LYN: variants seen among roughly 807,000 people sequenced by gnomAD.
LYN encodes tyrosine-protein kinase Lyn.
LYN carries 12 observed loss-of-function variants against 65.0 expected under a neutral mutation model. That is an observed-to-expected ratio of 0.18 (90% confidence interval 0.12 to 0.30). The LOEUF is 0.30. Among genes scored for constraint, LYN ranks in the 10% least tolerant of loss-of-function variants. LYN has a pLI of 1.00. For missense variants in LYN, 380 were observed against 623.2 expected, an observed-to-expected ratio of 0.61 and a Z score of 4.16; for synonymous variants, 222 against 221.2, an observed-to-expected ratio of 1.00 and a Z score of -0.03.
intron 1 of LYN, among the ~76,000 whole-genome samples, chr8:55,896,540 G>T (rs561177310): frequency 6.6e-6 from 1 of 152,128 alleles, no homozygotes; most frequent in East Asian, 1.9e-4. Context: ...GGCATTAGGA[G>T]AAATACCTAA....
At chr8:55,917,612 G>A (rs1805816170) in intron 1 of LYN, among the ~76,000 whole-genome samples, 1 of 152,220 alleles carries the variant, frequency 6.6e-6, no homozygotes. Flanking sequence ...AAGAAAAAGA[G>A]TTCCCTAAGT....
At chr8:55,996,351 G>A (rs760786385) in intron 10 of LYN, among the ~76,000 whole-genome samples, 5 of 152,272 alleles carry the variant, frequency 3.3e-5, no homozygotes, top group Middle Eastern at 3.4e-3. Context: ...TGGAACTGGC[G>A]GCCTGAAGTG....
At chr8:55,941,113 G>T (rs1473075) in intron 1 of LYN, among the ~76,000 whole-genome samples, 81 of 152,190 alleles carry the variant, frequency 5.3e-4, no homozygotes, top group Non-Finnish European at 1.0e-3. Flanking sequence ...CCTATGTTTA[G>T]CTGGAGCCAG....
Position 56,011,245 on chromosome 8 carries a change from T to A in LYN, c.*1135T>A, listed in dbSNP as rs1269379191. The stretch of plus-strand genomic sequence containing the variant: ...CCACGGTGGCAGGAGGTTCAAGCGG[T>A]TCTGTTCACTAAATTTTTCTCCTGT... On this transcript the variant is annotated 3_prime_UTR_variant, in exon 13 of 13. Coordinates refer to ENST00000519728, the MANE Select transcript of LYN (RefSeq NM_002350.4). The A allele has an allele frequency of 4.4e-6, 1 of 226,752 alleles. No individual in the cohort carries two copies. Among genetic ancestry groups the A allele is most frequent in the African/African-American group, 2.2e-5 (1 of 44,990 alleles). 14.0% of individuals were successfully genotyped at this position (226,752 alleles called of 1,614,324 possible).
intron 1 of LYN, among the ~76,000 whole-genome samples, chr8:55,883,012 A>T (rs1449012193): frequency 6.6e-6 from 1 of 152,238 alleles, no homozygotes; most frequent in East Asian, 1.9e-4. Context: ...TAACCTACTA[A>T]ACATTATAGA....
intron 10 of LYN, among the ~76,000 whole-genome samples, chr8:55,988,375 T>C (rs1232759520): frequency 6.6e-6 from 1 of 151,792 alleles, no homozygotes; most frequent in Non-Finnish European, 1.5e-5. Context: ...TCTTTTTAGG[T>C]CAGTTTGGGA....
chr8:55,899,608 G>A (rs1232359196), intron 1 of LYN, among the ~76,000 whole-genome samples: 2 of 152,228 alleles, frequency 1.3e-5, no homozygotes, highest in Non-Finnish European at 2.9e-5. Flanking sequence ...TATAACAAGT[G>A]TGTGAAGTTG....
chr8:55,897,970 GAAA>G (rs1805165637), intron 1 of LYN, among the ~76,000 whole-genome samples: 1 of 151,880 alleles, frequency 6.6e-6, no homozygotes, highest in Admixed American at 6.6e-5. Flanking sequence ...TTTTTCTTTG[GAAA>G]AAATTAAAAT....
chr8:55,980,647 G>A (rs540465891), intron 10 of LYN: 1 of 152,378 alleles, frequency 6.6e-6, no homozygotes, highest in South Asian at 2.1e-4. Context: ...GGGTGCCCAT[G>A]TCTTCCCAGG....
chr8:55,935,308 A>G (rs1226869421), intron 1 of LYN, among the ~76,000 whole-genome samples: 1 of 152,214 alleles, frequency 6.6e-6, no homozygotes, highest in Non-Finnish European at 1.5e-5. Context: ...CAGCTTGGCC[A>G]GCCCGGGTTA....
chr8:55,930,695 G>C (rs769988978), intron 1 of LYN, among the ~76,000 whole-genome samples: 1 of 152,284 alleles, frequency 6.6e-6, no homozygotes, highest in East Asian at 1.9e-4. Flanking sequence ...ATGCAAATGG[G>C]GATGCGGCAC....
At chr8:55,906,018 G>A (rs538132975) in intron 1 of LYN, among the ~76,000 whole-genome samples, 16 of 152,198 alleles carry the variant, frequency 1.1e-4, no homozygotes, top group Non-Finnish European at 1.6e-4. Flanking sequence ...GTAGTTTTGT[G>A]TTGTTGCTTT....
At chr8:55,904,615 T>A (rs1051079373) in intron 1 of LYN, among the ~76,000 whole-genome samples, 2 of 152,168 alleles carry the variant, frequency 1.3e-5, no homozygotes, top group Admixed American at 1.3e-4. Context: ...CCAGGTGCGG[T>A]GGCTCATGCC....
Position 56,009,911 on chromosome 8 carries a change from G to A in LYN, c.1340G>A (p.Arg447Lys), listed in dbSNP as rs1169746771. 1 of 1,613,770 alleles carries A rather than the reference G, an allele frequency of 6.2e-7. No homozygotes were observed. Reference protein sequence around the residue: ...VTYGKIPYPGRTNADVMTALS... With the variant: ...VTYGKIPYPGKTNADVMTALS... ...TTTTTGTTTTTTTCCACCCTAGGGA[G>A]AACTAATGCCGACGTGATGACCGCC... is the stretch of plus-strand genomic sequence containing the variant. Residue 447 changes from arginine (R) to lysine (K), a missense_variant, in exon 13 of 13, where the codon AGA becomes AAA. Around this residue, in one of 2 missense-constraint regions of LYN, gnomAD observed 223 missense variants for 430.0 expected, o/e 0.52. Coordinates refer to ENST00000519728, the MANE Select transcript of LYN (RefSeq NM_002350.4).
chr8:56,012,744 A>C lies in LYN; in HGVS notation c.*2634A>C. The C allele has an allele frequency of 6.6e-6, 1 of 152,420 alleles. No individual in the cohort carries two copies. The highest frequency in any genetic ancestry group is 1.5e-5 in the Non-Finnish European group (1 of 68,418). 9.4% of individuals were successfully genotyped at this position (152,420 alleles called of 1,614,324 possible). A position where few individuals can be genotyped will look rare whatever the true frequency, so the allele number is the denominator to read the frequency against. On this transcript the variant is annotated 3_prime_UTR_variant, in exon 13 of 13. Transcript: ENST00000519728. ...AAAAAAAAACCAAAAAAACAAAAAA[A>C]CCCTTCCCTGGTGAATATAATGTAT... is the stretch of plus-strand genomic sequence containing the variant.
At chr8:55,891,756 C>T (rs1169373578) in intron 1 of LYN, among the ~76,000 whole-genome samples, 2 of 152,252 alleles carry the variant, frequency 1.3e-5, no homozygotes, top group East Asian at 1.9e-4. Context: ...TGAGCAGATA[C>T]GTGTACAAAT....
Position 56,013,356 on chromosome 8 carries a change from C to G in LYN, c.*3246C>G, listed in dbSNP as rs894865648. 2.0e-5 allele frequency: 3 copies of G among 151,922 alleles called. No homozygotes were observed. Among genetic ancestry groups the G allele is most frequent in the Non-Finnish European group, 4.4e-5 (3 of 68,020 alleles). The allele number at this position is 151,922 out of a possible 1,614,324, so 9.4% of individuals were successfully genotyped here. A position where few individuals can be genotyped will look rare whatever the true frequency, so the allele number is the denominator to read the frequency against. ...GATCTCAGCTCATTGCAACCTCCCC[C>G]TCTCTGGTTGGAGCGATTCTTCTCC... On this transcript the variant is annotated 3_prime_UTR_variant, in exon 13 of 13. Coordinates refer to ENST00000519728, the MANE Select transcript of LYN (RefSeq NM_002350.4).
intron 1 of LYN, among the ~76,000 whole-genome samples, chr8:55,940,485 C>T (rs945608154): frequency 5.3e-5 from 8 of 152,208 alleles, no homozygotes; most frequent in African/African-American, 1.9e-4. Context: ...AAGCGATTCT[C>T]CTGCCTCAGC....
intron 1 of LYN, among the ~76,000 whole-genome samples, chr8:55,925,284 G>A (rs1218824546): frequency 6.6e-6 from 1 of 151,794 alleles, no homozygotes; most frequent in East Asian, 1.9e-4. Context: ...CACCATGCCT[G>A]GCTAATTTTT....
Sources: allele counts gnomAD v4.1 joint callset (sites outside exome capture counted in the v4.1 genomes callset), GRCh38; gene constraint gnomAD v4.1.1; regional missense constraint gnomAD v4.1.1; transcripts MANE v1.5; gene names NCBI Gene and HGNC (gene_info 2026-07-23, HGNC 2026-07-21).